The following ARHGAP8 variants were observed in gnomAD, a reference collection of about 807,000 sequenced individuals.
ARHGAP8 encodes Rho GTPase activating protein 8.
In ARHGAP8, 62 loss-of-function variants were observed where a neutral mutation model predicts 46.1. The observed-to-expected ratio is 1.34, with a 90% CI of 1.10 to 1.66. The LOEUF is 1.66. ARHGAP8 is among the 40% of genes most tolerant of loss of function. The pLI, the probability that ARHGAP8 is intolerant of heterozygous loss-of-function variation, is 0.00. For missense variants in ARHGAP8, 923 were observed against 568.4 expected, an observed-to-expected ratio of 1.62 and a Z score of -6.34; for synonymous variants, 375 against 243.1, an observed-to-expected ratio of 1.54 and a Z score of -5.05.
At chr22:44,756,952 C>A (rs928760275) in intron 1 of ARHGAP8, among the ~76,000 whole-genome samples, 1 of 152,016 alleles carries the variant, frequency 6.6e-6, no homozygotes, top group African/African-American at 2.4e-5. Flanking sequence ...GAGATAGGAT[C>A]TTGCTCTGTT....
intron 1 of ARHGAP8, among the ~76,000 whole-genome samples, chr22:44,764,578 A>G (rs1247321460): frequency 1.3e-5 from 2 of 152,204 alleles, no homozygotes; most frequent in Non-Finnish European, 2.9e-5. Flanking sequence ...TGGGCTGCAG[A>G]CGCAGCTCTC....
intron 1 of ARHGAP8, among the ~76,000 whole-genome samples, chr22:44,774,579 A>G (rs1006269077): frequency 6.8e-6 from 1 of 147,690 alleles, no homozygotes; most frequent in Non-Finnish European, 1.5e-5. Flanking sequence ...CTGGAGTGCA[A>G]TGGCACAGTC....
At chr22:44,820,849 C>T (rs938889346) in intron 5 of ARHGAP8, among the ~76,000 whole-genome samples, 3 of 152,146 alleles carry the variant, frequency 2.0e-5, no homozygotes, top group African/African-American at 7.2e-5. Context: ...TTAGGAACCA[C>T]CTGGCGCTGG....
intron 5 of ARHGAP8, among the ~76,000 whole-genome samples, chr22:44,817,242 T>G (rs1344888073): frequency 6.6e-6 from 1 of 152,216 alleles, no homozygotes; most frequent in African/African-American, 2.4e-5. Flanking sequence ...CGTGTGGTCC[T>G]GAGGCACACT....
At chr22:44,787,029 C>CAAAAAAAAAAA (rs34957650) in intron 2 of ARHGAP8, among the ~76,000 whole-genome samples, 70 of 94,602 alleles carry the variant, frequency 7.4e-4, no homozygotes, top group African/African-American at 1.4e-3. Context: ...GACCCTGTCT[C>CAAAAAAAAAAA]AAAAAAACAA....
At chr22:44,766,768 G>A (rs943142294) in intron 1 of ARHGAP8, among the ~76,000 whole-genome samples, 7 of 152,246 alleles carry the variant, frequency 4.6e-5, no homozygotes, top group African/African-American at 1.4e-4. Flanking sequence ...GCACCAAGTC[G>A]GTGAGTAGTG....
chr22:44,826,885 G>A (rs1322182840), intron 7 of ARHGAP8, among the ~76,000 whole-genome samples: 10 of 152,174 alleles, frequency 6.6e-5, no homozygotes, highest in Non-Finnish European at 1.0e-4. Context: ...TCGGCCCTGG[G>A]GACCTGCCTG....
chr22:44,816,562 T>C (rs909751744), intron 5 of ARHGAP8, among the ~76,000 whole-genome samples: 24 of 152,062 alleles, frequency 1.6e-4, no homozygotes, highest in African/African-American at 5.6e-4. Flanking sequence ...CTACTAATCA[T>C]AGCACTTTGG....
rs372486604 is a variant in ARHGAP8 at position 44,760,046 on chromosome 22, C to A, written c.-72+7419C>A. Among the ~76,000 whole-genome samples, 9 of 152,190 alleles carry A rather than the reference C, an allele frequency of 5.9e-5. No individual in the cohort carries two copies. The East Asian group carries it at 1.2e-3, about 20-fold the overall frequency. ...GCCCTTTCAGGGTGCTGAAGGTTTC[C>A]TGCGGTTTGTGGGCAGGCCTCTGAC... On this transcript the variant is annotated intron_variant, in intron 1 of 11. Coordinates refer to ENST00000356099, the MANE Select transcript of ARHGAP8 (RefSeq NM_181335.3).
At chr22:44,772,031 T>G (rs1445581692) in intron 1 of ARHGAP8, among the ~76,000 whole-genome samples, 1 of 152,170 alleles carries the variant, frequency 6.6e-6, no homozygotes, top group Non-Finnish European at 1.5e-5. Flanking sequence ...TGATGTTAGC[T>G]GTAGATTTTT....
intron 3 of ARHGAP8, among the ~76,000 whole-genome samples, chr22:44,802,654 G>A (rs1238964538): frequency 1.3e-5 from 2 of 152,146 alleles, no homozygotes; most frequent in Non-Finnish European, 2.9e-5. Context: ...GTTCTGGAGG[G>A]CACCAGTCCC....
At position 44,787,841 on chromosome 22, in the gene ARHGAP8, T is replaced by G. The variant is rs138905331; in HGVS notation, c.79+1235T>G. 7.3e-5 allele frequency among the ~76,000 whole-genome samples: 11 copies of G among 151,604 alleles called. No individual in the cohort carries two copies. In the South Asian group the frequency reaches 2.3e-3, roughly 32 times the overall value. Reference sequence around the variant, plus strand: ...GACCCCAGAAACATGATAAACACTTTAGTGCACACTGTGTACAGGAGGGAC... The same window carrying G: ...GACCCCAGAAACATGATAAACACTTGAGTGCACACTGTGTACAGGAGGGAC... On this transcript the variant is annotated intron_variant, in intron 2 of 11. Coordinates refer to ENST00000356099, the MANE Select transcript of ARHGAP8 (RefSeq NM_181335.3).
intron 11 of ARHGAP8, among the ~76,000 whole-genome samples, chr22:44,860,278 C>T (rs536778015): frequency 5.3e-5 from 8 of 152,106 alleles, no homozygotes; most frequent in Non-Finnish European, 1.0e-4. Flanking sequence ...TGCCTTAAAA[C>T]AGATTTACTG....
At chr22:44,809,511 C>T (rs944558993) in intron 4 of ARHGAP8, 2 of 304,652 alleles carry the variant, frequency 6.6e-6, no homozygotes, top group African/African-American at 2.2e-5. Flanking sequence ...GGTGAGATGG[C>T]AGCCTCATTT....
chr22:44,778,057 T>C lies in ARHGAP8; in HGVS notation c.-71-8400T>C, dbSNP rs538900447. 2.0e-5 allele frequency among the ~76,000 whole-genome samples: 3 copies of C among 151,930 alleles called. No homozygotes were observed. The South Asian group carries it at 6.3e-4, about 32-fold the overall frequency. Reference sequence around the variant, plus strand: ...TTATTTATTTATTTCCATAGGTTATTGGGGAACAGGTGGTGTGGCTACATG... The same window carrying C: ...TTATTTATTTATTTCCATAGGTTATCGGGGAACAGGTGGTGTGGCTACATG... On this transcript the variant is annotated intron_variant, in intron 1 of 11. Coordinates refer to ENST00000356099, the MANE Select transcript of ARHGAP8 (RefSeq NM_181335.3).
chr22:44,799,053 C>T lies in ARHGAP8; in HGVS notation c.80-3024C>T, dbSNP rs569585828. 3.0e-4 allele frequency among the ~76,000 whole-genome samples: 45 copies of T among 152,310 alleles called. No individual in the cohort carries two copies. The South Asian group carries it at 9.1e-3, about 31-fold the overall frequency. Reference sequence around the variant, plus strand: ...AGGGGCTGCACCCTGCTCCAGGCTTCCCATCCCCAGCCCCCACCTGGGGGG... The same window carrying T: ...AGGGGCTGCACCCTGCTCCAGGCTTTCCATCCCCAGCCCCCACCTGGGGGG... On this transcript the variant is annotated intron_variant, in intron 2 of 11. Transcript: ENST00000356099.
At chr22:44,758,875 A>G (rs1214633577) in intron 1 of ARHGAP8, among the ~76,000 whole-genome samples, 1 of 152,218 alleles carries the variant, frequency 6.6e-6, no homozygotes, top group East Asian at 1.9e-4. Context: ...TGGATATTCA[A>G]GTTTGAGTTG....
Position 44,786,598 on chromosome 22 carries a change from A to T in ARHGAP8, c.71A>T (p.Gln24Leu). 6.2e-7 allele frequency: 1 copy of T among 1,613,148 alleles called. No homozygotes were observed. The highest frequency in any genetic ancestry group is 8.5e-7 in the Non-Finnish European group (1 of 1,179,684). The change falls in exon 2 of 12, where the codon CAG becomes CTG. Residue 24 changes from glutamine to leucine, a missense_variant. Gln to Leu is a moderately radical substitution (Grantham distance 113). Coordinates refer to ENST00000356099, the MANE Select transcript of ARHGAP8 (RefSeq NM_181335.3). The stretch of plus-strand genomic sequence containing the variant: ...GACGTGGCCAGACATGGCATTCTGC[A>T]GGTGGCAGGTAGGGCCCCAGCTGGG... ...FYDVARHGIL[Q>L]VAGDDRFGRR...
At chr22:44,782,633 C>T (rs955966535) in intron 1 of ARHGAP8, among the ~76,000 whole-genome samples, 4 of 152,172 alleles carry the variant, frequency 2.6e-5, no homozygotes, top group Non-Finnish European at 4.4e-5. Context: ...CTGAATAGAG[C>T]GGTTTCAAGT....
Sources: allele counts gnomAD v4.1 joint callset (sites outside exome capture counted in the v4.1 genomes callset), GRCh38; gene constraint gnomAD v4.1.1; transcripts MANE v1.5; gene names NCBI Gene and HGNC (gene_info 2026-07-23, HGNC 2026-07-21).